MRPL48: variants seen among roughly 807,000 people sequenced by gnomAD.
MRPL48 encodes the protein large ribosomal subunit protein mL48.
Under a neutral mutation model 32.9 loss-of-function variants are expected in MRPL48, and 16 were observed. That is an observed-to-expected ratio of 0.49 (90% confidence interval 0.33 to 0.74). The LOEUF (loss-of-function observed/expected upper bound fraction) is 0.74, where lower values mean the gene tolerates loss of function less well. Ranked by LOEUF, MRPL48 falls within the 30% of genes least tolerant of loss-of-function variation. The probability of loss-of-function intolerance (pLI) is 0.02; values close to 1 mark genes in which losing one functional copy is unlikely to be tolerated. For synonymous variants in MRPL48, 94 were observed against 89.2 expected, an observed-to-expected ratio of 1.05 and a Z score of -0.31; for missense variants, 206 against 245.3, an observed-to-expected ratio of 0.84 and a Z score of 1.07.
chr11:73,829,692 G>A (rs974403174), intron 4 of MRPL48, among the ~76,000 whole-genome samples: 1 of 152,204 alleles, frequency 6.6e-6, no homozygotes, highest in Non-Finnish European at 1.5e-5. Flanking sequence ...CTTACCATGA[G>A]CTGCCAGAGT....
chr11:73,819,616 C>T (rs1269500113), intron 3 of MRPL48, among the ~76,000 whole-genome samples: 2 of 152,130 alleles, frequency 1.3e-5, no homozygotes, highest in Non-Finnish European at 2.9e-5. Flanking sequence ...CTTTACAGTG[C>T]CTGGTATAAT....
At chr11:73,834,112 G>T (rs139984871) in intron 4 of MRPL48, among the ~76,000 whole-genome samples, 1,702 of 152,242 alleles carry the variant, frequency 0.011, 32 homozygotes, top group African/African-American at 0.039. Context: ...GGCTCCTAAA[G>T]TGTTGGGATT....
At chr11:73,827,506 T>G (rs984364945) in intron 4 of MRPL48, among the ~76,000 whole-genome samples, 4 of 152,194 alleles carry the variant, frequency 2.6e-5, no homozygotes, top group African/African-American at 9.7e-5. Context: ...GATTTCTGTG[T>G]GTGTGCAGAG....
In MRPL48 at chr11:73,817,811, T is replaced by G. The variant is rs781029730; in HGVS notation, c.113-7897T>G. On this transcript the variant is annotated intron_variant, in intron 3 of 7. Transcript: ENST00000310614. ...ATTTATTTTTGTTGTTGTTGTTGTTTTTGTTTTTGAGAGAGAGACGGTCTT... is the reference window on the plus strand; with the variant it reads ...ATTTATTTTTGTTGTTGTTGTTGTTGTTGTTTTTGAGAGAGAGACGGTCTT... 2.7e-5 allele frequency: 11 copies of G among 410,610 alleles called. 1 individual carries two copies. Among genetic ancestry groups the G allele is most frequent in the South Asian group, 1.9e-4 (11 of 56,814 alleles). The allele number at this position is 410,610 out of a possible 1,614,324, so 25.4% of individuals were successfully genotyped here. A position where few individuals can be genotyped will look rare whatever the true frequency, so the allele number is the denominator to read the frequency against.
At chr11:73,838,143 C>A (rs1431180918) in intron 4 of MRPL48, among the ~76,000 whole-genome samples, 1 of 152,198 alleles carries the variant, frequency 6.6e-6, no homozygotes, top group Non-Finnish European at 1.5e-5. Flanking sequence ...TGAGCCTCCA[C>A]TCCTGGCCCA....
At chr11:73,838,316 C>A (rs565699964) in intron 4 of MRPL48, among the ~76,000 whole-genome samples, 2 of 152,140 alleles carry the variant, frequency 1.3e-5, no homozygotes, top group Non-Finnish European at 2.9e-5. Flanking sequence ...TATGCTGTGC[C>A]CTGGCTCAGA....
At chr11:73,801,573 C>T (rs1947364978) in intron 1 of MRPL48, among the ~76,000 whole-genome samples, 1 of 152,200 alleles carries the variant, frequency 6.6e-6, no homozygotes, top group Non-Finnish European at 1.5e-5. Flanking sequence ...TTTACATCCT[C>T]TGGGAGACTT....
chr11:73,820,200 C>T (rs965130271), intron 3 of MRPL48, among the ~76,000 whole-genome samples: 5 of 152,164 alleles, frequency 3.3e-5, no homozygotes, highest in African/African-American at 1.2e-4. Flanking sequence ...AGGCCCAGCA[C>T]GGTTGATTCC....
At chr11:73,823,842 A>G (rs1230816128) in intron 3 of MRPL48, among the ~76,000 whole-genome samples, 1 of 150,026 alleles carries the variant, frequency 6.7e-6, no homozygotes, top group Non-Finnish European at 1.5e-5. Flanking sequence ...ACCACAATGT[A>G]TATATATATA....
At chr11:73,845,618 A>T (rs113880014) in intron 5 of MRPL48, among the ~76,000 whole-genome samples, 4 of 152,046 alleles carry the variant, frequency 2.6e-5, no homozygotes, top group African/African-American at 9.6e-5. Flanking sequence ...ACAAATAACA[A>T]AATTAGCTGG....
At chr11:73,792,637 G>T (rs1947172849) in intron 1 of MRPL48, among the ~76,000 whole-genome samples, 1 of 152,136 alleles carries the variant, frequency 6.6e-6, no homozygotes. Flanking sequence ...TACCTAGAAG[G>T]GCAGGAAGTC....
In MRPL48 at chr11:73,854,438, C is replaced by T. The variant is rs552587568; in HGVS notation, c.372-5469C>T. On this transcript the variant is annotated intron_variant, in intron 5 of 7. Coordinates refer to ENST00000310614, the MANE Select transcript of MRPL48 (RefSeq NM_016055.6). ...AGCTGGGACTACAGGCACCCGCCAC[C>T]ACCACACCTGGCTAATTTTTGTATT... Among the ~76,000 whole-genome samples, 86 of 152,272 alleles carry T rather than the reference C, an allele frequency of 5.6e-4. 1 individual carries two copies. In the Middle Eastern group the frequency reaches 0.027, roughly 48 times the overall value.
chr11:73,862,311 A>T (rs541961351), intron 6 of MRPL48, among the ~76,000 whole-genome samples: 1 of 152,224 alleles, frequency 6.6e-6, no homozygotes, highest in Admixed American at 6.5e-5. Flanking sequence ...AATCCCAGCT[A>T]CTCAGGAGGC....
intron 4 of MRPL48, among the ~76,000 whole-genome samples, chr11:73,827,315 T>C (rs76225647): frequency 0.055 from 8,374 of 151,632 alleles, 257 homozygotes; most frequent in Middle Eastern, 0.11. Flanking sequence ...TCCCAGGAGG[T>C]GGAGGTTGCA....
At chr11:73,820,284 G>A (rs1352688759) in intron 3 of MRPL48, among the ~76,000 whole-genome samples, 1 of 152,128 alleles carries the variant, frequency 6.6e-6, no homozygotes, top group Admixed American at 6.5e-5. Context: ...AAGTGCAGTG[G>A]TTCAATCTCT....
chr11:73,836,281 A>G (rs942087771), intron 4 of MRPL48, among the ~76,000 whole-genome samples: 1 of 150,822 alleles, frequency 6.6e-6, no homozygotes, highest in Non-Finnish European at 1.5e-5. Context: ...TGCAACCTCC[A>G]CCTCCTGGGT....
At chr11:73,810,469 C>G (rs192175847) in intron 3 of MRPL48, among the ~76,000 whole-genome samples, 1 of 151,800 alleles carries the variant, frequency 6.6e-6, no homozygotes, top group Admixed American at 6.6e-5. Context: ...TGCAGTGAGC[C>G]GAGATCGTGC....
intron 4 of MRPL48, among the ~76,000 whole-genome samples, chr11:73,832,951 T>C (rs985330025): frequency 7.2e-5 from 11 of 152,186 alleles, no homozygotes; most frequent in Non-Finnish European, 1.5e-4. Flanking sequence ...GGAAAGTTAG[T>C]GCTCAAAAGT....
chr11:73,840,165 A>T (rs1948163985), intron 4 of MRPL48, among the ~76,000 whole-genome samples: 3 of 152,058 alleles, frequency 2.0e-5, no homozygotes, highest in East Asian at 1.9e-4. Context: ...AAATAAAAAT[A>T]AAAAATAGCT....
Sources: gnomAD v4.1 joint callset for allele counts (sites outside exome capture counted in the v4.1 genomes callset) on GRCh38, gnomAD v4.1.1 for gene constraint, MANE v1.5 for transcripts, NCBI Gene and HGNC (gene_info 2026-07-23, HGNC 2026-07-21) for gene names.